The following GRIK2 variants were observed in gnomAD, a reference collection of about 807,000 sequenced individuals.
GRIK2 encodes the protein glutamate receptor ionotropic, kainate 2.
Under a neutral mutation model 100.3 loss-of-function variants are expected in GRIK2, and 32 were observed. The observed-to-expected ratio is 0.32, with a 90% CI of 0.24 to 0.43. The LOEUF is 0.43. Among genes scored for constraint, GRIK2 ranks in the 20% least tolerant of loss-of-function variants. The pLI is 1.00. For missense variants in GRIK2, 843 were observed against 1,114.9 expected, an observed-to-expected ratio of 0.76 and a Z score of 3.47; for synonymous variants, 417 against 389.4, an observed-to-expected ratio of 1.07 and a Z score of -0.83.
chr6:101,555,581 A>G (rs1776697236), intron 2 of GRIK2, among the ~76,000 whole-genome samples: 1 of 152,230 alleles, frequency 6.6e-6, no homozygotes, highest in African/African-American at 2.4e-5. Context: ...TTTATGTAAT[A>G]GTCTTTCTAT....
chr6:101,520,636 T>C (rs892078793), intron 2 of GRIK2, among the ~76,000 whole-genome samples: 9 of 152,086 alleles, frequency 5.9e-5, no homozygotes, highest in Admixed American at 5.9e-4. Flanking sequence ...GTATCCAGTT[T>C]CATTTGGCAT....
chr6:101,609,656 T>C (rs2128312851), intron 2 of GRIK2, among the ~76,000 whole-genome samples: 1 of 151,986 alleles, frequency 6.6e-6, no homozygotes, highest in Admixed American at 6.6e-5. Context: ...CTCTCATATT[T>C]CTTCTCCATA....
chr6:101,606,461 A>G (rs1779440958), intron 2 of GRIK2, among the ~76,000 whole-genome samples: 1 of 151,888 alleles, frequency 6.6e-6, no homozygotes, highest in South Asian at 2.1e-4. Flanking sequence ...TGGGCGCTGG[A>G]GTTAGATAGA....
chr6:101,735,720 AG>A (rs1218221893), intron 7 of GRIK2, among the ~76,000 whole-genome samples: 1 of 152,184 alleles, frequency 6.6e-6, no homozygotes, highest in African/African-American at 2.4e-5. Flanking sequence ...ATGAGATTTG[AG>A]TGAGGACACA....
intron 4 of GRIK2, among the ~76,000 whole-genome samples, chr6:101,675,628 A>T (rs1770780031): frequency 6.6e-6 from 1 of 152,150 alleles, no homozygotes; most frequent in Non-Finnish European, 1.5e-5. Context: ...AGACTGTATA[A>T]AGGAATACAT....
rs181626024 is a variant in GRIK2 at position 101,692,556 on chromosome 6, T to C, written c.951+6203T>C. Among the ~76,000 whole-genome samples the C allele has an allele frequency of 3.6e-3, 551 of 152,202 alleles. 1 individual carries two copies. Among genetic ancestry groups the C allele is most frequent in the Non-Finnish European group, 6.1e-3 (418 of 67,974 alleles). On this transcript the variant is annotated intron_variant, in intron 7 of 16. Coordinates refer to ENST00000369134, the MANE Select transcript of GRIK2 (RefSeq NM_021956.5). ...ACAATCTTTGTTGATATAACAATTA[T>C]GTTCAAAATGTGATGTTGATTGCTT...
At chr6:101,822,689 T>G (rs1782032556) in intron 10 of GRIK2, among the ~76,000 whole-genome samples, 1 of 152,176 alleles carries the variant, frequency 6.6e-6, no homozygotes, top group Non-Finnish European at 1.5e-5. Context: ...AATAATAAAC[T>G]TTTGAAGTAG....
chr6:101,744,559 T>TATATATAA (rs1776302641), intron 7 of GRIK2: 1 of 111,524 alleles, frequency 9.0e-6, no homozygotes, highest in Non-Finnish European at 1.8e-5. Context: ...TATATATATA[T>TATATATAA]CACAATTTCT....
intron 2 of GRIK2, among the ~76,000 whole-genome samples, chr6:101,590,731 C>A (rs1778604917): frequency 6.6e-6 from 1 of 152,018 alleles, no homozygotes; most frequent in Non-Finnish European, 1.5e-5. Flanking sequence ...TACAATTTGG[C>A]CCCTTCTTTG....
At chr6:101,924,783 CTCTT>C in intron 13 of GRIK2, 64 bp downstream of exon 13, 4 of 996,320 alleles carry the variant, frequency 4.0e-6, no homozygotes, top group Non-Finnish European at 6.4e-6. Context: ...GGGGTGACAG[CTCTT>C]GCTGGCACAA....
chr6:102,013,665 C>T (rs1195184793), intron 14 of GRIK2, among the ~76,000 whole-genome samples: 1 of 151,888 alleles, frequency 6.6e-6, no homozygotes, highest in East Asian at 1.9e-4. Context: ...TTATTGAAGC[C>T]TTTTCTGCAT....
chr6:101,564,880 C>A (rs1045010061), intron 2 of GRIK2, among the ~76,000 whole-genome samples: 1 of 152,048 alleles, frequency 6.6e-6, no homozygotes, highest in African/African-American at 2.4e-5. Flanking sequence ...TACACTCTGC[C>A]AATACAACAC....
At chr6:102,032,652 T>G (rs1368158632) in intron 14 of GRIK2, among the ~76,000 whole-genome samples, 1 of 151,370 alleles carries the variant, frequency 6.6e-6, no homozygotes, top group Non-Finnish European at 1.5e-5. Context: ...TTCTCTCATA[T>G]TAGAGAGTTC....
At chr6:101,928,672 G>A in intron 14 of GRIK2, 40 bp downstream of exon 14, 1 of 989,680 alleles carries the variant, frequency 1.0e-6, no homozygotes, top group Middle Eastern at 2.1e-4. Context: ...AAATTAAAAT[G>A]ATAGAGCGCA....
Position 101,616,464 on chromosome 6 carries a change from G to T in GRIK2, c.116-5485G>T, listed in dbSNP as rs1779899582. Among the ~76,000 whole-genome samples the T allele has an allele frequency of 2.0e-5, 3 of 151,654 alleles. No homozygotes were observed. The South Asian group carries it at 6.2e-4, about 31-fold the overall frequency. On this transcript the variant is annotated intron_variant, in intron 2 of 16. Transcript: ENST00000369134. ...ATTATAACTACTTCTGAAGCATTTT[G>T]TCATGAAATACCTTCTATAGAATAA...
rs1261495976 is a variant in GRIK2 at position 101,790,815 on chromosome 6, C to T, written c.952-8833C>T. 9.9e-5 allele frequency among the ~76,000 whole-genome samples: 15 copies of T among 151,364 alleles called. No individual in the cohort carries two copies. The South Asian group carries it at 2.5e-3, about 25-fold the overall frequency. ...TCCTCCTTTTACCTCTGGTAGAATT[C>T]GGCTGTGAATCCATCTGGTCCTGGA... On this transcript the variant is annotated intron_variant, in intron 7 of 16. Transcript: ENST00000369134.
At chr6:101,507,477 A>G (rs1428167036) in intron 2 of GRIK2, among the ~76,000 whole-genome samples, 1 of 152,136 alleles carries the variant, frequency 6.6e-6, no homozygotes, top group Non-Finnish European at 1.5e-5. Flanking sequence ...TGAAATGTCA[A>G]TGATTGAGAA....
At chr6:101,970,307 G>A (rs1159663810) in intron 14 of GRIK2, among the ~76,000 whole-genome samples, 1 of 151,796 alleles carries the variant, frequency 6.6e-6, no homozygotes, top group African/African-American at 2.4e-5. Context: ...TTTGGGCTTG[G>A]CCCAGGATGG....
At chr6:101,780,895 G>A (rs1251160214) in intron 7 of GRIK2, among the ~76,000 whole-genome samples, 4 of 152,124 alleles carry the variant, frequency 2.6e-5, no homozygotes, top group African/African-American at 7.2e-5. Flanking sequence ...ATGTTGAAGA[G>A]GGCTTTAAAA....
Sources: allele counts gnomAD v4.1 joint callset (sites outside exome capture counted in the v4.1 genomes callset), GRCh38; gene constraint gnomAD v4.1.1; transcripts MANE v1.5; gene names NCBI Gene and HGNC (gene_info 2026-07-23, HGNC 2026-07-21).